Variants in MSI2 observed in about 807,000 individuals in gnomAD.
MSI2 encodes the protein RNA-binding protein Musashi homolog 2.
In MSI2, 17 loss-of-function variants were observed where a neutral mutation model predicts 45.6. The ratio of observed to expected loss-of-function variants is 0.37; its 90% confidence interval spans 0.26 to 0.56. MSI2 has a LOEUF of 0.56. MSI2 is among the 20% of genes least tolerant of loss of function. MSI2 has a pLI of 0.77. For missense variants in MSI2, 293 were observed against 444.2 expected (o/e 0.66, Z 3.06); for synonymous variants, 156 against 158.2 (o/e 0.99, Z 0.11).
chr17:57,328,065 T>G (rs1019825936), intron 5 of MSI2, among the ~76,000 whole-genome samples: 3 of 152,168 alleles, frequency 2.0e-5, no homozygotes, highest in African/African-American at 4.8e-5. Flanking sequence ...TTTATTAATT[T>G]CTTTAACTAT....
chr17:57,605,144 C>G (rs1437360531), intron 8 of MSI2, among the ~76,000 whole-genome samples: 2 of 152,134 alleles, frequency 1.3e-5, no homozygotes, highest in Non-Finnish European at 2.9e-5. Flanking sequence ...AAAGGAAATG[C>G]CAGAGAGGCA....
chr17:57,375,508 C>CA (rs2083481171), intron 5 of MSI2, among the ~76,000 whole-genome samples: 2 of 152,160 alleles, frequency 1.3e-5, no homozygotes, highest in African/African-American at 4.8e-5. Context: ...GATTGTATGC[C>CA]AGGCAGCATG....
intron 6 of MSI2, among the ~76,000 whole-genome samples, chr17:57,459,039 T>A (rs538565063): frequency 1.3e-5 from 2 of 152,200 alleles, no homozygotes; most frequent in Non-Finnish European, 2.9e-5. Context: ...AAGAGCTGGA[T>A]GGATGGGAGC....
rs114953267 is a variant in MSI2 at position 57,479,579 on chromosome 17, G to A, written c.406-50097G>A. ...AATTCAACATTTCTTTCAATGAAGA[G>A]CAGGAAGGACACATCAAAAGAATCA... On this transcript the variant is annotated intron_variant, in intron 6 of 13. Coordinates refer to ENST00000284073, the MANE Select transcript of MSI2 (RefSeq NM_138962.4). Among the ~76,000 whole-genome samples, 445 of 152,276 alleles carry A rather than the reference G, an allele frequency of 2.9e-3. 3 individuals carry two copies. The highest frequency in any genetic ancestry group is 0.01 in the African/African-American group (420 of 41,548).
chr17:57,371,793 C>G (rs1046684483), intron 5 of MSI2, among the ~76,000 whole-genome samples: 4 of 151,846 alleles, frequency 2.6e-5, no homozygotes, highest in Admixed American at 2.6e-4. Context: ...TCTCTGATCA[C>G]TTCCTTAATA....
At chr17:57,558,321 C>G (rs539569622) in intron 7 of MSI2, among the ~76,000 whole-genome samples, 2 of 152,254 alleles carry the variant, frequency 1.3e-5, no homozygotes, top group African/African-American at 4.8e-5. Context: ...AGGCAGTTAA[C>G]GATCTGGAGC....
At chr17:57,298,673 A>G (rs1229199899) in intron 5 of MSI2, among the ~76,000 whole-genome samples, 3 of 152,182 alleles carry the variant, frequency 2.0e-5, no homozygotes, top group Non-Finnish European at 2.9e-5. Context: ...AAAAAAAGAG[A>G]TGTGCTATCA....
chr17:57,685,243 G>C (rs12938404), downstream of MSI2, among the ~76,000 whole-genome samples: 21,251 of 152,116 alleles, frequency 0.14, 2,065 homozygotes, highest in East Asian at 0.47. Flanking sequence ...CCAAACAAAC[G>C]AGAGGATACA....
chr17:57,458,396 G>A (rs1173150230), intron 6 of MSI2, among the ~76,000 whole-genome samples: 4 of 152,242 alleles, frequency 2.6e-5, no homozygotes, highest in African/African-American at 2.4e-5. Flanking sequence ...CACCGTGCCC[G>A]GCCACATATT....
chr17:57,454,466 C>G, intron 6 of MSI2, among the ~76,000 whole-genome samples: 2 of 105,046 alleles, frequency 1.9e-5, no homozygotes, highest in South Asian at 6.1e-4. Flanking sequence ...GAGATGGATT[C>G]TCGCTCTGTC....
intron 5 of MSI2, among the ~76,000 whole-genome samples, chr17:57,336,653 T>C (rs1051428536): frequency 1.3e-5 from 2 of 152,190 alleles, no homozygotes; most frequent in Non-Finnish European, 2.9e-5. Context: ...TGGCATTTCA[T>C]TCTTGAAAAA....
At chr17:57,613,313 C>T (rs757615309) in intron 8 of MSI2, among the ~76,000 whole-genome samples, 11 of 152,122 alleles carry the variant, frequency 7.2e-5, no homozygotes, top group Non-Finnish European at 1.6e-4. Flanking sequence ...TTGCTGTTTT[C>T]CCGCTTGCAG....
chr17:57,316,545 C>T (rs368523581), intron 5 of MSI2, among the ~76,000 whole-genome samples: 2 of 152,168 alleles, frequency 1.3e-5, no homozygotes, highest in Non-Finnish European at 2.9e-5. Context: ...AGGCTGGTCG[C>T]AAACTCCTGG....
At chr17:57,325,883 T>C (rs1359435950) in intron 5 of MSI2, among the ~76,000 whole-genome samples, 1 of 152,214 alleles carries the variant, frequency 6.6e-6, no homozygotes, top group African/African-American at 2.4e-5. Context: ...TGGCGTCTCC[T>C]CTTGCTACTC....
intron 5 of MSI2, chr17:57,262,482 T>A (rs1907408643): frequency 2.9e-6 from 1 of 350,456 alleles, no homozygotes; most frequent in Non-Finnish European, 5.2e-6. Flanking sequence ...ATTTGTTTTT[T>A]AAGCATTTCC....
the MSI2 span, among the ~76,000 whole-genome samples, chr17:57,698,575 TG>T: frequency 6.6e-6 from 1 of 152,210 alleles, no homozygotes; most frequent in African/African-American, 2.4e-5. Context: ...GCCTTTTGTG[TG>T]AAGTGCAGGG....
intron 6 of MSI2, among the ~76,000 whole-genome samples, chr17:57,408,787 G>C (rs1483539137): frequency 6.6e-6 from 1 of 152,170 alleles, no homozygotes; most frequent in Non-Finnish European, 1.5e-5. Flanking sequence ...GGGTGCAAGG[G>C]GTGGTTCTTA....
chr17:57,475,327 T>C (rs963993227), intron 6 of MSI2, among the ~76,000 whole-genome samples: 62 of 152,120 alleles, frequency 4.1e-4, no homozygotes, highest in African/African-American at 1.5e-3. Context: ...GATGGACAGA[T>C]GGTGGGAACG....
chr17:57,548,099 G>A (rs148152881), intron 7 of MSI2, among the ~76,000 whole-genome samples: 15 of 152,272 alleles, frequency 9.9e-5, no homozygotes, highest in South Asian at 2.1e-4. Context: ...AGTACGCATC[G>A]TGGCATCCTC....
Sources: allele counts gnomAD v4.1 joint callset (sites outside exome capture counted in the v4.1 genomes callset), GRCh38; gene constraint gnomAD v4.1.1; transcripts MANE v1.5; gene names NCBI Gene and HGNC (gene_info 2026-07-23, HGNC 2026-07-21).